Variants in AP3B1 observed in about 807,000 individuals in gnomAD.
The protein encoded by AP3B1 is adaptor related protein complex 3 subunit beta 1.
A neutral mutation model predicts 132.5 loss-of-function variants in AP3B1; 61 were observed. That is an observed-to-expected ratio of 0.46 (90% CI 0.37 to 0.57). The LOEUF (loss-of-function observed/expected upper bound fraction) is 0.57. Among genes scored for constraint, AP3B1 ranks in the 20% least tolerant of loss-of-function variants. AP3B1 has a pLI of 0.00. For missense variants in AP3B1, 1,120 were observed against 1,289.4 expected (o/e 0.87, Z 2.01); for synonymous variants, 388 against 438.3 (o/e 0.89, Z 1.43).
At chr5:78,196,330 A>G (rs1200310633) in intron 7 of AP3B1, among the ~76,000 whole-genome samples, 3 of 152,240 alleles carry the variant, frequency 2.0e-5, no homozygotes, top group Non-Finnish European at 4.4e-5. Flanking sequence ...ATACTATAAC[A>G]CATTTATTAG....
At position 78,216,228 on chromosome 5, in the gene AP3B1, C is replaced by A. The variant is rs766748640; in HGVS notation, c.613G>T (p.Gly205Cys). The part of the protein sequence containing the change: ...LLKDKSTLVA[G>C]SVVMAFEEVC... Reference sequence around the variant, plus strand: ...TCTTCAAAAGCCATCACAACACTGCCAGCTACCAACTAGAAAAGAAAGAAA... The same window carrying A: ...TCTTCAAAAGCCATCACAACACTGCAAGCTACCAACTAGAAAAGAAAGAAA... Residue 205 changes from glycine (G) to cysteine (C), a missense_variant, in exon 7 of 27, where the codon GGC becomes TGC. This residue lies in a region of AP3B1 where 129 missense variants were observed against 212.4 expected (regional missense o/e 0.61). Transcript: ENST00000255194. The A allele has an allele frequency of 1.2e-6, 2 of 1,613,848 alleles. No homozygotes were observed. Among genetic ancestry groups the A allele is most frequent in the South Asian group, 2.2e-5 (2 of 91,064 alleles).
At chr5:78,265,180 T>C (rs938194359) in intron 2 of AP3B1, among the ~76,000 whole-genome samples, 3 of 152,170 alleles carry the variant, frequency 2.0e-5, no homozygotes, top group Non-Finnish European at 4.4e-5. Context: ...CTCACACCTA[T>C]AATCCCAGCA....
At chr5:78,074,250 T>C (rs1046673931) in intron 22 of AP3B1, among the ~76,000 whole-genome samples, 3 of 151,994 alleles carry the variant, frequency 2.0e-5, no homozygotes, top group African/African-American at 4.8e-5. Context: ...AGAAGTAGCA[T>C]AGAAATAGAA....
intron 24 of AP3B1, among the ~76,000 whole-genome samples, chr5:78,029,969 T>C (rs916939326): frequency 3.9e-5 from 6 of 152,208 alleles, no homozygotes; most frequent in Admixed American, 3.3e-4. Flanking sequence ...AACCCTAGTA[T>C]ACCATCACTC....
Position 78,175,396 on chromosome 5 carries a change from T to C in AP3B1, c.1167+230A>G, listed in dbSNP as rs578162512. On this transcript the variant is annotated intron_variant, in intron 11 of 26. Transcript: ENST00000255194. ...TTATTTAAATGCCTGTCTCCTTCAG[T>C]AATCTGTGAGTTATTCAAGTTGTAG... is the stretch of plus-strand genomic sequence containing the variant. Among the ~76,000 whole-genome samples the C allele has an allele frequency of 2.0e-5, 3 of 152,356 alleles. No individual in the cohort carries two copies. In the South Asian group the frequency reaches 6.2e-4, roughly 32 times the overall value.
chr5:78,140,031 G>A (rs1383241706), intron 15 of AP3B1, among the ~76,000 whole-genome samples: 1 of 152,082 alleles, frequency 6.6e-6, no homozygotes, highest in Non-Finnish European at 1.5e-5. Flanking sequence ...AGAGCATAAA[G>A]CTTCCCAAGA....
chr5:78,129,414 C>T (rs879069199), intron 15 of AP3B1, 107 bp from the exon 16 acceptor site: 1 of 986,108 alleles, frequency 1.0e-6, no homozygotes, highest in East Asian at 2.5e-5. Context: ...TTATGTCAAA[C>T]AAATGTTGTT....
intron 1 of AP3B1, among the ~76,000 whole-genome samples, chr5:78,273,540 C>T (rs1677556694): frequency 1.3e-5 from 2 of 152,118 alleles, no homozygotes; most frequent in African/African-American, 2.4e-5. Flanking sequence ...AATTCCAGGG[C>T]TGCCACAGTG....
intron 7 of AP3B1, among the ~76,000 whole-genome samples, chr5:78,195,991 C>T (rs1745064917): frequency 6.6e-6 from 1 of 151,942 alleles, no homozygotes; most frequent in Non-Finnish European, 1.5e-5. Flanking sequence ...AGATACAATA[C>T]AAAAGACATG....
intron 6 of AP3B1, among the ~76,000 whole-genome samples, chr5:78,221,957 G>A (rs1746195723): frequency 6.6e-6 from 1 of 152,108 alleles, no homozygotes; most frequent in African/African-American, 2.4e-5. Flanking sequence ...CACAATGTAA[G>A]CATTTCCTTT....
At chr5:78,143,237 G>C (rs1482233371) in intron 14 of AP3B1, among the ~76,000 whole-genome samples, 1 of 151,852 alleles carries the variant, frequency 6.6e-6, no homozygotes, top group Admixed American at 6.6e-5. Flanking sequence ...TGTTTAAAGA[G>C]ATTGTTTATA....
intron 2 of AP3B1, among the ~76,000 whole-genome samples, chr5:78,245,817 G>C (rs2112527223): frequency 6.6e-6 from 1 of 152,286 alleles, no homozygotes; most frequent in South Asian, 2.1e-4. Flanking sequence ...AAGGTTCATA[G>C]GTGGAAAGCA....
chr5:78,292,690 T>C (rs990288445), intron 1 of AP3B1, among the ~76,000 whole-genome samples: 11 of 152,198 alleles, frequency 7.2e-5, no homozygotes, highest in Non-Finnish European at 1.3e-4. Context: ...ACTCAATAAA[T>C]ATCTTTCGGG....
chr5:78,060,060 G>A (rs557587278), intron 22 of AP3B1, among the ~76,000 whole-genome samples: 38 of 152,158 alleles, frequency 2.5e-4, no homozygotes, highest in South Asian at 2.5e-3. Context: ...ACCTAGGTTA[G>A]AAAAATATCA....
At chr5:78,281,882 G>A (rs13163558) in intron 1 of AP3B1, among the ~76,000 whole-genome samples, 33,000 of 151,994 alleles carry the variant, frequency 0.22, 4,412 homozygotes, top group Middle Eastern at 0.31. Context: ...ACAATGGTTA[G>A]GTTGCTTGAT....
At chr5:78,082,447 T>C (rs953951668) in intron 22 of AP3B1, among the ~76,000 whole-genome samples, 1 of 152,208 alleles carries the variant, frequency 6.6e-6, no homozygotes, top group Admixed American at 6.5e-5. Flanking sequence ...GGTTTACAGC[T>C]ACAGAATAGA....
intron 17 of AP3B1, among the ~76,000 whole-genome samples, chr5:78,125,009 A>T (rs1752400297): frequency 1.3e-5 from 2 of 152,170 alleles, no homozygotes; most frequent in South Asian, 4.1e-4. Flanking sequence ...TATGACTAAA[A>T]GACCACATTA....
chr5:78,083,711 TAG>T (rs923702610), intron 22 of AP3B1, among the ~76,000 whole-genome samples: 2 of 152,214 alleles, frequency 1.3e-5, no homozygotes, highest in African/African-American at 4.8e-5. Context: ...ATATTTATTA[TAG>T]AGTTATTAAA....
At chr5:78,123,497 A>G (rs2112287600) in intron 17 of AP3B1, among the ~76,000 whole-genome samples, 1 of 152,264 alleles carries the variant, frequency 6.6e-6, no homozygotes, top group Admixed American at 6.5e-5. Context: ...AAACAAATTT[A>G]CAAGAAAAAA....
Sources: gnomAD v4.1 joint callset for allele counts (sites outside exome capture counted in the v4.1 genomes callset) on GRCh38, gnomAD v4.1.1 for gene constraint, gnomAD v4.1.1 regional missense constraint, MANE v1.5 for transcripts, NCBI Gene and HGNC (gene_info 2026-07-23, HGNC 2026-07-21) for gene names.